OSBPL6: variants seen among roughly 807,000 people sequenced by gnomAD.
OSBPL6 encodes the protein oxysterol binding protein like 6, also known as oxysterol-binding protein-related protein 6.
OSBPL6 carries 49 observed loss-of-function variants against 125.8 expected under a neutral mutation model. The observed-to-expected ratio is 0.39, with a 90% CI of 0.31 to 0.49. The LOEUF (loss-of-function observed/expected upper bound fraction) is 0.49, where lower values mean the gene tolerates loss of function less well. OSBPL6 is among the 20% of genes least tolerant of loss of function. The pLI is 0.88. For missense variants in OSBPL6, 986 were observed against 1,135.4 expected (o/e 0.87, Z 1.89); for synonymous variants, 394 against 391.8 (o/e 1.01, Z -0.07).
At chr2:178,354,502 T>C (rs1691586248) in intron 12 of OSBPL6, among the ~76,000 whole-genome samples, 1 of 152,162 alleles carries the variant, frequency 6.6e-6, no homozygotes, top group South Asian at 2.1e-4. Context: ...GGCCATTACA[T>C]AATGGTAAAG....
Position 178,398,831 on chromosome 2 carries a change from G to A in OSBPL6, c.*3272G>A, listed in dbSNP as rs1205451070. The A allele has an allele frequency of 1.3e-5, 2 of 152,174 alleles. No individual in the cohort carries two copies. The highest frequency in any genetic ancestry group is 2.9e-5 in the Non-Finnish European group (2 of 68,034). The allele number at this position is 152,174 out of a possible 1,614,324, so 9.4% of individuals were successfully genotyped here. ...ATTAGATCCTGCCCCAAGGAGCAGT[G>A]GCTTGGGGGCTGGATTTAGGGAGGA... is the stretch of plus-strand genomic sequence containing the variant. On this transcript the variant is annotated 3_prime_UTR_variant, in exon 25 of 25. Coordinates refer to ENST00000190611, the MANE Select transcript of OSBPL6 (RefSeq NM_032523.4).
chr2:178,351,681 GTT>G (rs1421983129), intron 12 of OSBPL6, among the ~76,000 whole-genome samples: 1 of 152,202 alleles, frequency 6.6e-6, no homozygotes, highest in African/African-American at 2.4e-5. Flanking sequence ...AAGATCACGT[GTT>G]TTGCATGAAC....
intron 1 of OSBPL6, among the ~76,000 whole-genome samples, chr2:178,195,806 ATT>A (rs60984895): frequency 6.6e-6 from 1 of 150,972 alleles, no homozygotes; most frequent in East Asian, 1.9e-4. Context: ...TTCAGTTGTG[ATT>A]TTTTTTTTCT....
At chr2:178,227,246 CTGCCATAAAGATGCCATTTTATAACCAT>C in intron 1 of OSBPL6, among the ~76,000 whole-genome samples, 1 of 152,304 alleles carries the variant, frequency 6.6e-6, no homozygotes, top group Middle Eastern at 3.4e-3. Context: ...ATGCAAGTCA[CTGCCATAAAGATGCCATTTTATAACCAT>C]TCAATTGGCA....
chr2:178,334,450 A>T (rs949474959), intron 8 of OSBPL6, among the ~76,000 whole-genome samples: 1 of 152,230 alleles, frequency 6.6e-6, no homozygotes, highest in Admixed American at 6.5e-5. Flanking sequence ...TTGTTATTTT[A>T]ATGGCAGTTT....
At chr2:178,232,377 G>C (rs1281370394) in intron 1 of OSBPL6, among the ~76,000 whole-genome samples, 1 of 152,078 alleles carries the variant, frequency 6.6e-6, no homozygotes, top group African/African-American at 2.4e-5. Flanking sequence ...CAGAGACATA[G>C]GGCACCAAGG....
chr2:178,312,279 A>G (rs1337181799), intron 3 of OSBPL6, among the ~76,000 whole-genome samples: 1 of 148,306 alleles, frequency 6.7e-6, no homozygotes, highest in Non-Finnish European at 1.5e-5. Context: ...CTCCTGCCTC[A>G]GCCTTCCGAG....
intron 1 of OSBPL6, among the ~76,000 whole-genome samples, chr2:178,228,865 T>C (rs931984852): frequency 6.6e-5 from 10 of 152,356 alleles, no homozygotes; most frequent in South Asian, 4.1e-4. Flanking sequence ...ACCCAGGATG[T>C]TCTAAATATA....
intron 12 of OSBPL6, among the ~76,000 whole-genome samples, chr2:178,351,733 G>A (rs776907219): frequency 5.9e-5 from 9 of 152,138 alleles, no homozygotes; most frequent in Non-Finnish European, 1.0e-4. Context: ...GCAAACTGAC[G>A]CAGGAACAGA....
chr2:178,345,986 C>T (rs924605416), intron 11 of OSBPL6, among the ~76,000 whole-genome samples: 1 of 152,042 alleles, frequency 6.6e-6, no homozygotes, highest in Non-Finnish European at 1.5e-5. Flanking sequence ...ATAGAAGTTA[C>T]GAGAAAAACT....
At chr2:178,268,726 A>G (rs969035124) in intron 1 of OSBPL6, among the ~76,000 whole-genome samples, 7 of 151,180 alleles carry the variant, frequency 4.6e-5, no homozygotes, top group African/African-American at 1.5e-4. Flanking sequence ...TCATATGACT[A>G]TTCCACAATA....
intron 3 of OSBPL6, among the ~76,000 whole-genome samples, chr2:178,309,712 G>A (rs1452466330): frequency 6.6e-6 from 1 of 152,168 alleles, no homozygotes; most frequent in African/African-American, 2.4e-5. Flanking sequence ...GATATGAGCT[G>A]TTAGAACATC....
intron 3 of OSBPL6, chr2:178,323,921 G>T: frequency 3.5e-6 from 1 of 281,960 alleles, no homozygotes; most frequent in Non-Finnish European, 6.7e-6. Flanking sequence ...AAAATTTTTC[G>T]AGAGATATTC....
At chr2:178,214,845 A>G (rs1327746157) in intron 1 of OSBPL6, among the ~76,000 whole-genome samples, 1 of 151,546 alleles carries the variant, frequency 6.6e-6, no homozygotes, top group African/African-American at 2.4e-5. Flanking sequence ...CAGCTACTCA[A>G]GAGGCTGAGG....
At chr2:178,236,745 T>C (rs1182302986) in intron 1 of OSBPL6, among the ~76,000 whole-genome samples, 1 of 152,242 alleles carries the variant, frequency 6.6e-6, no homozygotes, top group Non-Finnish European at 1.5e-5. Flanking sequence ...CAGTCACTTA[T>C]AACATTGTCT....
At chr2:178,223,017 G>A (rs879827265) in intron 1 of OSBPL6, among the ~76,000 whole-genome samples, 16 of 152,164 alleles carry the variant, frequency 1.1e-4, no homozygotes, top group Non-Finnish European at 4.4e-5. Context: ...CAGAGATTTG[G>A]TGGACACATA....
At chr2:178,381,660 C>T (rs960117948) in intron 15 of OSBPL6, among the ~76,000 whole-genome samples, 1 of 103,436 alleles carries the variant, frequency 9.7e-6, no homozygotes, top group Non-Finnish European at 2.1e-5. Context: ...GCTGACTGAG[C>T]TGTATTTCTT....
intron 1 of OSBPL6, among the ~76,000 whole-genome samples, chr2:178,268,838 T>C (rs766258361): frequency 2.6e-5 from 4 of 152,080 alleles, no homozygotes; most frequent in Non-Finnish European, 5.9e-5. Flanking sequence ...TCTGGGTTGG[T>C]AGAGCTCAGA....
rs567734740 is a variant in OSBPL6, at chr2:178,315,717, G to A, written c.103-8460G>A. 1.7e-4 allele frequency among the ~76,000 whole-genome samples: 26 copies of A among 152,202 alleles called. 1 individual carries two copies. The South Asian group carries it at 4.8e-3, about 28-fold the overall frequency. On this transcript the variant is annotated intron_variant, in intron 3 of 24. Transcript: ENST00000190611. ...GATCCAAGATTAGCACTGCCTGTTCGGTTCTCAGGCATCACACCAAATAGA... is the reference window on the plus strand; with the variant it reads ...GATCCAAGATTAGCACTGCCTGTTCAGTTCTCAGGCATCACACCAAATAGA...
Sources: allele counts gnomAD v4.1 joint callset (sites outside exome capture counted in the v4.1 genomes callset), GRCh38; gene constraint gnomAD v4.1.1; transcripts MANE v1.5; gene names NCBI Gene and HGNC (gene_info 2026-07-23, HGNC 2026-07-21).